Variants in PLCE1 observed in about 807,000 individuals in gnomAD.
The protein encoded by PLCE1 is 1-phosphatidylinositol 4,5-bisphosphate phosphodiesterase epsilon-1.
PLCE1 carries 119 observed loss-of-function variants against 242.8 expected under a neutral mutation model. That is an observed-to-expected ratio of 0.49 (90% confidence interval 0.42 to 0.57). The LOEUF (loss-of-function observed/expected upper bound fraction) is 0.57. PLCE1 is among the 20% of genes least tolerant of loss of function. The pLI, the probability that PLCE1 is intolerant of heterozygous loss-of-function variation, is 0.00. For missense variants in PLCE1, 2,441 were observed against 2,788.8 expected (o/e 0.88, Z 2.81); for synonymous variants, 945 against 1,017.4 (o/e 0.93, Z 1.35).
chr10:94,094,562 G>A (rs1002055038), intron 2 of PLCE1: 1 of 152,232 alleles, frequency 6.6e-6, no homozygotes, highest in African/African-American at 2.4e-5. Context: ...GACATCTGCA[G>A]GGTGAGTAGC....
chr10:94,040,486 G>A (rs1301834943), intron 2 of PLCE1, among the ~76,000 whole-genome samples: 1 of 152,150 alleles, frequency 6.6e-6, no homozygotes, highest in Non-Finnish European at 1.5e-5. Context: ...GGAAGAGGTC[G>A]CCACATCACA....
At chr10:94,167,307 C>T (rs542301097) in intron 3 of PLCE1, among the ~76,000 whole-genome samples, 1 of 152,178 alleles carries the variant, frequency 6.6e-6, no homozygotes, top group East Asian at 1.9e-4. Flanking sequence ...TAACACTACA[C>T]CTTTCCCACC....
At chr10:94,254,331 A>G in intron 10 of PLCE1, 24 bp downstream of exon 10, 1 of 1,519,736 alleles carries the variant, frequency 6.6e-7, no homozygotes, top group Non-Finnish European at 9.1e-7. Context: ...TTTACATCTG[A>G]GATTTTTGTT....
At chr10:94,274,742 C>A (rs1234464894) in intron 19 of PLCE1, among the ~76,000 whole-genome samples, 2 of 152,162 alleles carry the variant, frequency 1.3e-5, no homozygotes, top group East Asian at 3.9e-4. Flanking sequence ...CAAGGGCCAC[C>A]AGTTGGAGAC....
At chr10:94,025,960 G>C (rs1251561369) in intron 1 of PLCE1, among the ~76,000 whole-genome samples, 1 of 152,146 alleles carries the variant, frequency 6.6e-6, no homozygotes, top group Non-Finnish European at 1.5e-5. Context: ...CCACTTTTCA[G>C]CTCTACTATT....
At position 94,164,344 on chromosome 10, in the gene PLCE1, T is replaced by C. The variant is rs964239856; in HGVS notation, c.1493-6836T>C. 5.9e-5 allele frequency among the ~76,000 whole-genome samples: 9 copies of C among 152,150 alleles called. 1 individual carries two copies. The South Asian group carries it at 8.3e-4, about 14-fold the overall frequency. On this transcript the variant is annotated intron_variant, in intron 3 of 32. Transcript: ENST00000371380. ...AGTCCCATATTTCTTGGAGGCTTTG[T>C]TCATTTCTTTTTATTCTTTTTTCTC...
intron 17 of PLCE1, 90 bp downstream of exon 17, chr10:94,269,126 G>T (rs1453546609): frequency 3.0e-6 from 2 of 671,546 alleles, no homozygotes; most frequent in African/African-American, 2.0e-5. Context: ...TTTTGAGACG[G>T]GTTCTCGCTC....
At chr10:94,150,227 A>C (rs2047233016) in intron 3 of PLCE1, among the ~76,000 whole-genome samples, 1 of 152,206 alleles carries the variant, frequency 6.6e-6, no homozygotes, top group South Asian at 2.1e-4. Flanking sequence ...TCTCAAAACA[A>C]CCTGGCAAGG....
chr10:94,039,446 A>G (rs888004326), intron 2 of PLCE1, among the ~76,000 whole-genome samples: 2 of 151,566 alleles, frequency 1.3e-5, no homozygotes, highest in Non-Finnish European at 1.5e-5. Flanking sequence ...CAGTGGCACA[A>G]TCTAGACTCA....
intron 5 of PLCE1, among the ~76,000 whole-genome samples, chr10:94,228,504 A>T (rs1289613850): frequency 6.6e-6 from 1 of 152,228 alleles, no homozygotes; most frequent in East Asian, 1.9e-4. Context: ...CGTGGCGTAT[A>T]GTAAGGCCTC....
At chr10:93,996,397 C>T (rs952365945) in intron 1 of PLCE1, among the ~76,000 whole-genome samples, 2 of 151,986 alleles carry the variant, frequency 1.3e-5, no homozygotes, top group Non-Finnish European at 2.9e-5. Flanking sequence ...TTGGTTGAGG[C>T]GAGGGAAGAC....
intron 3 of PLCE1, among the ~76,000 whole-genome samples, chr10:94,148,931 A>C (rs1208484520): frequency 3.9e-5 from 6 of 152,138 alleles, no homozygotes; most frequent in Admixed American, 3.9e-4. Flanking sequence ...GTTGTCTGAG[A>C]AGAGTTGGCT....
intron 23 of PLCE1, among the ~76,000 whole-genome samples, chr10:94,296,122 G>T (rs1247120117): frequency 1.3e-5 from 2 of 152,126 alleles, no homozygotes; most frequent in Non-Finnish European, 2.9e-5. Flanking sequence ...CAGCACTTTG[G>T]GAGGCTGAGG....
intron 3 of PLCE1, among the ~76,000 whole-genome samples, chr10:94,154,038 A>C (rs2047352778): frequency 6.6e-6 from 1 of 152,216 alleles, no homozygotes; most frequent in Non-Finnish European, 1.5e-5. Context: ...AATAGCCAAA[A>C]TAATTTTTTT....
intron 4 of PLCE1, among the ~76,000 whole-genome samples, chr10:94,185,870 G>A (rs971957283): frequency 6.6e-6 from 1 of 152,208 alleles, no homozygotes; most frequent in African/African-American, 2.4e-5. Flanking sequence ...TCACACTGAT[G>A]AAGTTTTGGA....
chr10:94,110,281 C>T (rs904107820), intron 2 of PLCE1, among the ~76,000 whole-genome samples: 1 of 151,932 alleles, frequency 6.6e-6, no homozygotes, highest in Non-Finnish European at 1.5e-5. Flanking sequence ...CCAGGATGGT[C>T]TCGATCTCCT....
intron 27 of PLCE1, among the ~76,000 whole-genome samples, chr10:94,312,111 T>A (rs1014511524): frequency 2.0e-5 from 3 of 152,186 alleles, no homozygotes; most frequent in African/African-American, 7.2e-5. Flanking sequence ...TTAATCTTTT[T>A]AATTAATAAT....
intron 2 of PLCE1, among the ~76,000 whole-genome samples, chr10:94,077,857 T>C (rs1204037044): frequency 2.0e-5 from 3 of 152,208 alleles, no homozygotes; most frequent in South Asian, 2.1e-4. Context: ...GAGATAAAGA[T>C]ACAAAATTAA....
intron 2 of PLCE1, among the ~76,000 whole-genome samples, chr10:94,127,181 T>A (rs1189341181): frequency 6.6e-6 from 1 of 152,240 alleles, no homozygotes; most frequent in Non-Finnish European, 1.5e-5. Flanking sequence ...ATCTGCTGTG[T>A]AGCAAAGGAC....
Sources: gnomAD v4.1 joint callset for allele counts (sites outside exome capture counted in the v4.1 genomes callset) on GRCh38, gnomAD v4.1.1 for gene constraint, MANE v1.5 for transcripts, NCBI Gene and HGNC (gene_info 2026-07-23, HGNC 2026-07-21) for gene names.